ZNF763: variants seen among roughly 807,000 people sequenced by gnomAD.
ZNF763 encodes the protein DNA-binding protein.
A neutral mutation model predicts 38.0 loss-of-function variants in ZNF763; 33 were observed. The ratio of observed to expected loss-of-function variants is 0.87; its 90% CI spans 0.66 to 1.16. ZNF763 has a LOEUF of 1.16. ZNF763 is among the 50% of genes most tolerant of loss of function. The probability of loss-of-function intolerance (pLI) is 0.00; values close to 1 mark genes in which losing one functional copy is unlikely to be tolerated. For missense variants in ZNF763, 423 were observed against 469.1 expected, an observed-to-expected ratio of 0.90 and a Z score of 0.91; for synonymous variants, 155 against 160.1, an observed-to-expected ratio of 0.97 and a Z score of 0.24.
At chr19:11,969,945 T>G (rs556740062) in intron 1 of ZNF763, among the ~76,000 whole-genome samples, 1 of 152,192 alleles carries the variant, frequency 6.6e-6, no homozygotes, top group Non-Finnish European at 1.5e-5. Context: ...GGTTTTAGAA[T>G]TGCCTGGGGC....
In ZNF763 at chr19:11,979,337, C is replaced by T. The variant is rs980970248; in HGVS notation, c.*228C>T. On this transcript the variant is annotated 3_prime_UTR_variant, in exon 4 of 4. Transcript: ENST00000358987. ...CCACACCTTCGAAGGCATGGTAGGA[C>T]TCACTGGAGAGAAACCCTATGAGTG... 8 of 1,608,976 alleles carry T rather than the reference C, an allele frequency of 5.0e-6. No individual in the cohort carries two copies. In the African/African-American group the frequency reaches 9.4e-5, roughly 19 times the overall value.
At position 11,979,971 on chromosome 19, in the gene ZNF763, A is replaced by G. The variant is rs279143; in HGVS notation, c.*862A>G. ...ATACCTGAAAAATCTTACACTGGAG[A>G]GAAACCCTATGAGTGTAAGCAATGT... On this transcript the variant is annotated 3_prime_UTR_variant, in exon 4 of 4. Transcript: ENST00000358987. The G allele has an allele frequency of 7.1e-3, 8,683 of 1,226,106 alleles. 515 individuals carry two copies. The African/African-American group carries it at 0.12, about 17-fold the overall frequency. The allele number at this position is 1,226,106 out of a possible 1,614,324, so 76.0% of individuals were successfully genotyped here.
intron 1 of ZNF763, among the ~76,000 whole-genome samples, chr19:11,974,064 C>CT (rs1568308153): frequency 4.2e-5 from 6 of 142,518 alleles, no homozygotes; most frequent in East Asian, 2.0e-4. Context: ...TTCTTTCCTT[C>CT]TTTCTTTTCT....
In ZNF763 at chr19:11,968,851, T is replaced by C. The variant is rs1973293285; in HGVS notation, c.3+3640T>C. ...CCTGGCAACATAGTGAGACCCCATC[T>C]CAATTGTGAAAAATCATATTAAATT... On this transcript the variant is annotated intron_variant, in intron 1 of 3. Coordinates refer to ENST00000358987, the MANE Select transcript of ZNF763 (RefSeq NM_001367172.2). Among the ~76,000 whole-genome samples the C allele has an allele frequency of 5.3e-5, 8 of 152,094 alleles. 1 individual carries two copies. The highest frequency in any genetic ancestry group is 5.2e-4 in the Admixed American group (8 of 15,254).
chr19:11,978,094 A>G (rs1370285103), intron 3 of ZNF763, 22 bp from the exon 4 acceptor site: 2 of 1,603,690 alleles, frequency 1.2e-6, no homozygotes, highest in Non-Finnish European at 1.7e-6. Flanking sequence ...ACCCTTCATA[A>G]TGTGCTTCTC....
At chr19:11,967,413 GT>G (rs879432716) in intron 1 of ZNF763, among the ~76,000 whole-genome samples, 3 of 150,224 alleles carry the variant, frequency 2.0e-5, no homozygotes, top group African/African-American at 4.9e-5. Context: ...TCTCTATTTT[GT>G]TTTTTTTTGA....
chr19:11,974,846 G>A (rs184532677), intron 1 of ZNF763, among the ~76,000 whole-genome samples: 4 of 152,112 alleles, frequency 2.6e-5, no homozygotes, highest in Admixed American at 6.5e-5. Flanking sequence ...CAAGTGATAC[G>A]CCTGCCTTGG....
In ZNF763 at chr19:11,978,757, AC is replaced by A. The variant is rs1318336176; in HGVS notation, c.834del (p.His278GlnfsTer120). 1 of 1,614,144 alleles carries A rather than the reference AC, an allele frequency of 6.2e-7. No individual in the cohort carries two copies. The highest frequency in any genetic ancestry group is 1.1e-5 in the South Asian group (1 of 91,082). The part of the protein sequence containing the change: ...SSSFQAHKRT[H>X]TGGKPYECKQ... ...TCTTTTCAAGCACATAAAAGAACCC[AC>A]ACTGGGGGAAAGCCATATGAATGTA... On this transcript the variant is annotated frameshift_variant, in exon 4 of 4. Coordinates refer to ENST00000358987, the MANE Select transcript of ZNF763 (RefSeq NM_001367172.2). LOFTEE classifies it high-confidence loss of function.
chr19:11,968,593 T>G (rs1477152648), intron 1 of ZNF763, among the ~76,000 whole-genome samples: 1 of 152,226 alleles, frequency 6.6e-6, no homozygotes, highest in Non-Finnish European at 1.5e-5. Context: ...TTGTTTTCTT[T>G]TCTTTCTAGC....
At chr19:11,970,963 G>A (rs1002781821) in intron 1 of ZNF763, among the ~76,000 whole-genome samples, 1 of 151,952 alleles carries the variant, frequency 6.6e-6, no homozygotes, top group African/African-American at 2.4e-5. Context: ...AAAACTAGAT[G>A]CCCTGGTCTC....
chr19:11,967,046 C>T (rs986940305), intron 1 of ZNF763, among the ~76,000 whole-genome samples: 3 of 152,110 alleles, frequency 2.0e-5, no homozygotes, highest in African/African-American at 7.2e-5. Flanking sequence ...TTATTGAAAG[C>T]TACTCTGGGC....
At chr19:11,977,218 C>T (rs2145343962) in intron 2 of ZNF763, 54 bp downstream of exon 2, 1 of 1,609,482 alleles carries the variant, frequency 6.2e-7, no homozygotes, top group Non-Finnish European at 8.5e-7. Context: ...GTGTTTCTAG[C>T]TCATGAATGC....
In ZNF763 at chr19:11,979,097, A is replaced by G; in HGVS notation, c.1173A>G (p.Arg391=). 1 of 1,613,990 alleles carries G rather than the reference A, an allele frequency of 6.2e-7. No individual in the cohort carries two copies. Among genetic ancestry groups the G allele is most frequent in the African/African-American group, 1.3e-5 (1 of 74,994 alleles). The part of the protein sequence containing the change: ...FSNTPKNALW[R]KTL Reference sequence around the variant, plus strand: ...ACACACCTAAGAATGCGCTCTGGAGAAAGACCTTATAAATGTTAGATATGT... The same window carrying G: ...ACACACCTAAGAATGCGCTCTGGAGGAAGACCTTATAAATGTTAGATATGT... The change falls in exon 4 of 4, where the codon AGA becomes AGG. Residue 391 remains arginine, a synonymous_variant. Transcript: ENST00000358987.
Position 11,979,520 on chromosome 19 carries a change from A to G in ZNF763, c.*411A>G. The G allele has an allele frequency of 6.2e-7, 1 of 1,601,686 alleles. No homozygotes were observed. The highest frequency in any genetic ancestry group is 8.5e-7 in the Non-Finnish European group (1 of 1,172,342). On this transcript the variant is annotated 3_prime_UTR_variant, in exon 4 of 4. Transcript: ENST00000358987. ...CACGTCATTTCAAAGACATGAAAAA[A>G]CTCACACTGCAGAGAAACCCTATGA...
intron 3 of ZNF763, 141 bp downstream of exon 3, chr19:11,977,572 CA>C (rs1454157616): frequency 8.9e-7 from 1 of 1,127,552 alleles, no homozygotes; most frequent in Non-Finnish European, 1.3e-6. Flanking sequence ...CATATATTTA[CA>C]TGTGACTAAG....
intron 1 of ZNF763, among the ~76,000 whole-genome samples, chr19:11,968,269 T>G (rs183907290): frequency 7.5e-4 from 114 of 152,212 alleles, no homozygotes; most frequent in African/African-American, 2.5e-3. Flanking sequence ...TTTTTTTTTC[T>G]TTGAGACAAT....
At chr19:11,966,833 G>A (rs1210093472) in intron 1 of ZNF763, among the ~76,000 whole-genome samples, 2 of 152,144 alleles carry the variant, frequency 1.3e-5, no homozygotes, top group African/African-American at 4.8e-5. Context: ...AGCTGGAAGA[G>A]TTTATTCAAG....
In ZNF763 at chr19:11,965,046, T is replaced by A; in HGVS notation, c.-163T>A. ...CACAGAGTGGGTCGCATTCCTGTCCTCACCTTTGTCCTTGCGCAGCCGGTG... is the reference window on the plus strand; with the variant it reads ...CACAGAGTGGGTCGCATTCCTGTCCACACCTTTGTCCTTGCGCAGCCGGTG... On this transcript the variant is annotated 5_prime_UTR_variant, in exon 1 of 4. Transcript: ENST00000358987. 1.2e-6 allele frequency: 1 copy of A among 827,784 alleles called. No individual in the cohort carries two copies. The highest frequency in any genetic ancestry group is 2.0e-6 in the Non-Finnish European group (1 of 510,602). The allele number at this position is 827,784 out of a possible 1,614,324, so 51.3% of individuals were successfully genotyped here.
intron 1 of ZNF763, among the ~76,000 whole-genome samples, chr19:11,969,408 C>T (rs1973304738): frequency 6.6e-6 from 1 of 152,162 alleles, no homozygotes; most frequent in South Asian, 2.1e-4. Flanking sequence ...CCGGGCCTGA[C>T]TTACTTGTTC....
Sources: gnomAD v4.1 joint callset for allele counts (sites outside exome capture counted in the v4.1 genomes callset) on GRCh38, gnomAD v4.1.1 for gene constraint, MANE v1.5 for transcripts, NCBI Gene and HGNC (gene_info 2026-07-23, HGNC 2026-07-21) for gene names.